The following L1CAM variants were observed in gnomAD, a reference collection of about 807,000 sequenced individuals.
L1CAM encodes the protein neural cell adhesion molecule L1.
In L1CAM, 8 loss-of-function variants were observed where a neutral mutation model predicts 93.0. The observed-to-expected ratio is 0.09, with a 90% confidence interval of 0.05 to 0.16. The LOEUF is 0.16. Among genes scored for constraint, L1CAM ranks in the 10% least tolerant of loss-of-function variants. L1CAM has a pLI of 1.00. For missense variants in L1CAM, 777 were observed against 1,073.4 expected (o/e 0.72, Z 3.86); for synonymous variants, 453 against 453.0 (o/e 1.00, Z 0.00).
Position 153,870,899 on chromosome X carries a change from A to G in L1CAM, c.585T>C (p.Phe195=). 6 of 1,211,218 alleles carry G rather than the reference A, an allele frequency of 5.0e-6. No individual in the cohort carries two copies. Among genetic ancestry groups the G allele is most frequent in the Non-Finnish European group, 6.7e-6 (6 of 895,317 alleles). The part of the protein sequence containing the change: ...VTMGQNGNLY[F]ANVLTSDNHS... Reference sequence around the variant, plus strand: ...GGTTGTCGGAGGTGAGCACATTGGCAAAGTAGAGGTTGCCGTTCTGGCCCA... The same window carrying G: ...GGTTGTCGGAGGTGAGCACATTGGCGAAGTAGAGGTTGCCGTTCTGGCCCA... The change falls in exon 7 of 29, where the codon TTT becomes TTC. Residue 195 remains phenylalanine, a synonymous_variant. Coordinates refer to ENST00000370060, the MANE Select transcript of L1CAM (RefSeq NM_001278116.2).
chrX:153,872,120 C>G (rs1349219691), intron 5 of L1CAM, 32 bp downstream of exon 5: 1 of 1,151,471 alleles, frequency 8.7e-7, no homozygotes, highest in Non-Finnish European at 1.2e-6. Context: ...ACTCCGGGAC[C>G]TGCCCTCCCT....
rs1280893243 is a variant in L1CAM at position 153,864,470 on chromosome X, C to T, written c.3174G>A (p.Lys1058=). ...HILFKALGEE[K]GGASLSPQYV... The stretch of plus-strand genomic sequence containing the variant: ...ACTGTGGCGAAAGGGAAGCCCCACC[C>T]TTCTCTTCTGCCAGGGAGAGAGGGT... Residue 1058 remains lysine (K), a synonymous_variant, in exon 25 of 29, where the codon AAG becomes AAA. Coordinates refer to ENST00000370060, the MANE Select transcript of L1CAM (RefSeq NM_001278116.2). 5 of 1,210,526 alleles carry T rather than the reference C, an allele frequency of 4.1e-6. No individual in the cohort carries two copies. Among genetic ancestry groups the T allele is most frequent in the South Asian group, 3.5e-5 (2 of 56,904 alleles).
At chrX:153,879,774 C>T (rs1255896788) in intron 1 of L1CAM, among the ~76,000 whole-genome samples, 4 of 66,618 alleles carry the variant, frequency 6.0e-5, no homozygotes, top group Admixed American at 5.8e-4. Flanking sequence ...ATTCCTGCTG[C>T]GGGTAGGAAC....
At chrX:153,873,911 G>C (rs1475593964) in intron 2 of L1CAM, among the ~76,000 whole-genome samples, 1 of 112,505 alleles carries the variant, frequency 8.9e-6, no homozygotes, top group African/African-American at 3.2e-5. Context: ...GCAGAGCACT[G>C]GCCAGGGCGG....
In L1CAM at chrX:153,862,498, G is replaced by A; in HGVS notation, c.*165C>T. On this transcript the variant is annotated 3_prime_UTR_variant, in exon 29 of 29. Coordinates refer to ENST00000370060, the MANE Select transcript of L1CAM (RefSeq NM_001278116.2). ...GGCAGAGCAGCGTGTGCCCAGGAAGGGGTGCAGCTGGGTTTTGGCAATAAA... is the reference window on the plus strand; with the variant it reads ...GGCAGAGCAGCGTGTGCCCAGGAAGAGGTGCAGCTGGGTTTTGGCAATAAA... The A allele has an allele frequency of 2.3e-6, 1 of 437,489 alleles. No individual in the cohort carries two copies. The highest frequency in any genetic ancestry group is 4.0e-6 in the Non-Finnish European group (1 of 252,679). 36.1% of individuals were successfully genotyped at this position (437,489 alleles called of 1,213,427 possible). A position where few individuals can be genotyped will look rare whatever the true frequency, so the allele number is the denominator to read the frequency against.
In L1CAM at chrX:153,872,874, G is replaced by T. The variant is rs1452421898; in HGVS notation, c.92-177C>A. The T allele has an allele frequency of 8.3e-6, 4 of 479,570 alleles. No individual in the cohort carries two copies. The South Asian group carries it at 1.2e-4, about 14-fold the overall frequency. The allele number at this position is 479,570 out of a possible 1,213,427, so 39.5% of individuals were successfully genotyped here. A position where few individuals can be genotyped will look rare whatever the true frequency, so the allele number is the denominator to read the frequency against. On this transcript the variant is annotated intron_variant, in intron 3 of 28. Coordinates refer to ENST00000370060, the MANE Select transcript of L1CAM (RefSeq NM_001278116.2). The stretch of plus-strand genomic sequence containing the variant: ...CTTGTGGGACATGAAAAGAGGGAGA[G>T]AGGGGACAGCCACGTAAGTTACAAA...
At position 153,872,155 on chromosome X, in the gene L1CAM, C is replaced by T. The variant is rs1603276528; in HGVS notation, c.397G>A (p.Glu133Lys). ...AMSHEIRLMA[E>K]GAPKWPKETV... The stretch of plus-strand genomic sequence containing the variant: ...TGGTCCCTGCAGCGCCTCGCACCCT[C>T]GGCCATGAGCCGGATCTCATGGGAC... The change falls in exon 5 of 29, where the codon GAG becomes AAG. Residue 133 changes from glutamate (E) to lysine (K), a missense_variant. By Grantham distance (56) the Glu-to-Lys change is moderately conservative (BLOSUM62 1). Around this residue, in one of 5 missense-constraint regions of L1CAM, gnomAD observed 574 missense variants for 781.0 expected, o/e 0.73. Coordinates refer to ENST00000370060, the MANE Select transcript of L1CAM (RefSeq NM_001278116.2). 8.3e-7 allele frequency: 1 copy of T among 1,206,432 alleles called. No individual in the cohort carries two copies. Among genetic ancestry groups the T allele is most frequent in the Non-Finnish European group, 1.1e-6 (1 of 891,451 alleles).
intron 1 of L1CAM, among the ~76,000 whole-genome samples, chrX:153,885,176 C>T (rs1338463597): frequency 8.8e-6 from 1 of 113,187 alleles, no homozygotes; most frequent in Non-Finnish European, 1.9e-5. Flanking sequence ...CTCCCATAAC[C>T]GCACAGAGAT....
chrX:153,880,799 G>A (rs2064840877), intron 1 of L1CAM: 1 of 270,737 alleles, frequency 3.7e-6, no homozygotes, highest in Admixed American at 4.9e-5. Flanking sequence ...GCCCCCACAG[G>A]TACCTGGGGG....
chrX:153,865,673 C>G (rs1557090674), intron 20 of L1CAM, 31 bp downstream of exon 20: 1 of 1,094,773 alleles, frequency 9.1e-7, no homozygotes, highest in Admixed American at 2.2e-5. Flanking sequence ...CAGTGATCAC[C>G]CTCCTGGGCC....
At position 153,865,083 on chromosome X, in the gene L1CAM, C is replaced by T; in HGVS notation, c.2872+5G>A. 2 of 1,211,098 alleles carry T rather than the reference C, an allele frequency of 1.7e-6. No homozygotes were observed. The highest frequency in any genetic ancestry group is 2.2e-6 in the Non-Finnish European group (2 of 895,350). ...CTCCCTTCCCTGCTGGGGCGGCGCA[C>T]GCACGGGGGTGGTAGGAGAGCACGT... is the stretch of plus-strand genomic sequence containing the variant. On this transcript the variant is annotated splice_donor_5th_base_variant and intron_variant, in intron 22 of 28. Transcript: ENST00000370060.
rs1334167172 is a variant in L1CAM at position 153,862,730 on chromosome X, T to G, written c.3707A>C (p.Glu1236Ala). Residue 1236 changes from glutamate to alanine, a missense_variant, in exon 29 of 29, where the codon GAG (glutamate) becomes GCG (alanine). Physicochemically the swap from Glu to Ala is moderately radical, Grantham distance 107. Coordinates refer to ENST00000370060, the MANE Select transcript of L1CAM (RefSeq NM_001278116.2). ...IGQYSGKKEK[E>A]AAGGNDSSGA... ...TGAGCTGTCATTGCCCCCTGCCGCC[T>G]CCTTCTCCTTCTTGCCACTGTACTG... The G allele has an allele frequency of 4.1e-6, 5 of 1,210,906 alleles. No homozygotes were observed. Among genetic ancestry groups the G allele is most frequent in the Non-Finnish European group, 5.6e-6 (5 of 895,233 alleles).
chrX:153,881,757 A>T (rs1186744253), intron 1 of L1CAM, among the ~76,000 whole-genome samples: 1 of 110,980 alleles, frequency 9.0e-6, no homozygotes, highest in Non-Finnish European at 1.9e-5. Flanking sequence ...TCCAATCAGC[A>T]TTTAGGGACA....
chrX:153,866,847 C>T lies in L1CAM; in HGVS notation c.2233G>A (p.Ala745Thr). The change falls in exon 19 of 29, where the codon GCC (alanine) becomes ACC (threonine). Residue 745 changes from alanine to threonine, a missense_variant. This residue lies in a region of L1CAM where 574 missense variants were observed against 781.0 expected (regional missense o/e 0.73). Transcript: ENST00000370060. Reference protein sequence around the residue: ...WKPLRWMDWNAPQVQYRVQWR... With the variant: ...WKPLRWMDWNTPQVQYRVQWR... Reference sequence around the variant, plus strand: ...TGCACGCGGTACTGAACCTGGGGGGCGTTCCAGTCCATCCACCGGAGCGGC... The same window carrying T: ...TGCACGCGGTACTGAACCTGGGGGGTGTTCCAGTCCATCCACCGGAGCGGC... 1.7e-6 allele frequency: 2 copies of T among 1,210,693 alleles called. No homozygotes were observed. The highest frequency in any genetic ancestry group is 2.2e-6 in the Non-Finnish European group (2 of 894,928).
chrX:153,879,979 G>A (rs1557095400), intron 1 of L1CAM, among the ~76,000 whole-genome samples: 1 of 111,651 alleles, frequency 9.0e-6, no homozygotes, highest in African/African-American at 3.3e-5. Flanking sequence ...AGTAAGTCCG[G>A]TCCCAAACCC....
Position 153,864,323 on chromosome X carries a change from T to G in L1CAM, c.3321A>C (p.Thr1107=). The stretch of plus-strand genomic sequence containing the variant: ...GATGGCGGGCCCCCGGCGCCTCACC[T>G]GTGCCATTGGTCTTCACAGCCATTT... The part of the protein sequence containing the change: ...RHQMAVKTNG[T]GRVRLPPAGF... The change falls in exon 25 of 29, where the codon ACA becomes ACC. Residue 1107 remains threonine, a splice_region_variant and synonymous_variant. Transcript: ENST00000370060. The G allele has an allele frequency of 1.7e-6, 2 of 1,211,201 alleles. No individual in the cohort carries two copies.
chrX:153,874,381 G>T (rs1412781567), intron 2 of L1CAM, among the ~76,000 whole-genome samples: 1 of 113,145 alleles, frequency 8.8e-6, no homozygotes, highest in Non-Finnish European at 1.9e-5. Context: ...TGTCCTCTGG[G>T]TCTAAAAGCC....
chrX:153,885,353 C>G (rs1557096681), intron 1 of L1CAM: 2 of 979,428 alleles, frequency 2.0e-6, no homozygotes, highest in Non-Finnish European at 2.7e-6. Flanking sequence ...CCAGCCCTGA[C>G]TGGCCACAGA....
At chrX:153,866,183 C>A (rs1257532233) in intron 19 of L1CAM, among the ~76,000 whole-genome samples, 1 of 109,019 alleles carries the variant, frequency 9.2e-6, no homozygotes, top group Admixed American at 9.8e-5. Flanking sequence ...TGTGGTGGCG[C>A]GTGCCTGTAA....
Sources: gnomAD v4.1 joint callset for allele counts (sites outside exome capture counted in the v4.1 genomes callset) on GRCh38, gnomAD v4.1.1 for gene constraint, gnomAD v4.1.1 regional missense constraint, MANE v1.5 for transcripts, NCBI Gene and HGNC (gene_info 2026-07-23, HGNC 2026-07-21) for gene names.